Variants in RUNX1T1 observed in about 807,000 individuals in gnomAD.
RUNX1T1 encodes the protein protein CBFA2T1.
In RUNX1T1, 4 loss-of-function variants were observed where a neutral mutation model predicts 62.8. The ratio of observed to expected loss-of-function variants is 0.06; its 90% CI spans 0.03 to 0.15. The LOEUF is 0.15. RUNX1T1 is among the 10% of genes least tolerant of loss of function. RUNX1T1 has a pLI of 1.00. For missense variants in RUNX1T1, 508 were observed against 754.3 expected (o/e 0.67, Z 3.82); for synonymous variants, 291 against 286.0 (o/e 1.02, Z -0.18).
intron 1 of RUNX1T1, among the ~76,000 whole-genome samples, chr8:92,089,603 G>A (rs933255842): frequency 2.6e-5 from 4 of 151,966 alleles, no homozygotes; most frequent in African/African-American, 9.7e-5. Flanking sequence ...ACCCCTAGGC[G>A]CTGAGTTCAT....
intron 2 of RUNX1T1, among the ~76,000 whole-genome samples, chr8:92,070,991 T>C (rs1461413814): frequency 6.6e-6 from 1 of 152,254 alleles, no homozygotes; most frequent in Admixed American, 6.5e-5. Context: ...TTCCTCTTGG[T>C]AAGATAAAAT....
rs34547904 is a variant in RUNX1T1 at position 92,024,497 on chromosome 8, C to CAAAAAAA, written c.8-7141_8-7135dup. ...GGGGTAACAGAGTGAAACCCCAACT[C>CAAAAAAA]AAAAAAAAAAAAAAAAAAAAAAAAA... On this transcript the variant is annotated intron_variant, in intron 1 of 10. Transcript: ENST00000396218. Among the ~76,000 whole-genome samples the CAAAAAAA allele has an allele frequency of 2.9e-3, 51 of 17,546 alleles. 9 individuals carry two copies. Among genetic ancestry groups the CAAAAAAA allele is most frequent in the African/African-American group, 6.4e-3 (36 of 5,614 alleles). 11.5% of individuals were successfully genotyped at this position (17,546 alleles called of 152,430 possible).
At chr8:92,090,470 A>G (rs916806503) in intron 1 of RUNX1T1, among the ~76,000 whole-genome samples, 7 of 152,148 alleles carry the variant, frequency 4.6e-5, no homozygotes, top group African/African-American at 1.7e-4. Flanking sequence ...TTAAATCCTC[A>G]TGGCCTCAGT....
intron 1 of RUNX1T1, among the ~76,000 whole-genome samples, chr8:92,025,239 A>C (rs1290497512): frequency 6.6e-6 from 1 of 152,188 alleles, no homozygotes; most frequent in East Asian, 1.9e-4. Flanking sequence ...GTGTGACCAG[A>C]GATCCTGCCT....
rs1823168702 is a variant in RUNX1T1, at chr8:92,017,106, G to A, written c.145+120C>T. The A allele has an allele frequency of 8.5e-6, 6 of 705,620 alleles. No homozygotes were observed. The East Asian group carries it at 1.6e-4, about 19-fold the overall frequency. The allele number at this position is 705,620 out of a possible 1,614,324, so 43.7% of individuals were successfully genotyped here. Reference sequence around the variant, plus strand: ...TACTGGCAAACAAATGATTTTTTTTGGTTCATTTCTGCATAATACATTGAT... The same window carrying A: ...TACTGGCAAACAAATGATTTTTTTTAGTTCATTTCTGCATAATACATTGAT... On this transcript the variant is annotated intron_variant, in intron 2 of 10. Transcript: ENST00000396218.
At chr8:92,005,031 G>A (rs745985022) in intron 5 of RUNX1T1, 85 bp downstream of exon 6, 144 of 1,165,670 alleles carry the variant, frequency 1.2e-4, no homozygotes, top group Non-Finnish European at 1.6e-4. Flanking sequence ...ATAGGCCAGC[G>A]GTTTAATTGT....
At chr8:92,076,750 T>A (rs1834486900) in intron 1 of RUNX1T1, among the ~76,000 whole-genome samples, 1 of 152,066 alleles carries the variant, frequency 6.6e-6, no homozygotes, top group Non-Finnish European at 1.5e-5. Context: ...CTTCTACACC[T>A]TTTCTTCCTT....
intron 4 of RUNX1T1, among the ~76,000 whole-genome samples, chr8:92,009,486 T>C (rs936702278): frequency 6.6e-6 from 1 of 152,126 alleles, no homozygotes; most frequent in Non-Finnish European, 1.5e-5. Context: ...ATGGTAACCA[T>C]ATGGTGTGCA....
chr8:91,980,758 A>G (rs1323435098), intron 8 of RUNX1T1, among the ~76,000 whole-genome samples: 3 of 151,966 alleles, frequency 2.0e-5, no homozygotes, highest in Admixed American at 1.3e-4. Context: ...TGTCACTTTG[A>G]CCTCCTGGGC....
At chr8:92,060,551 A>ATGTG (rs1239294685) in intron 1 of RUNX1T1, among the ~76,000 whole-genome samples, 144 of 95,306 alleles carry the variant, frequency 1.5e-3, no homozygotes, top group African/African-American at 4.8e-3. Flanking sequence ...ATATATATAT[A>ATGTG]TATGTGTGTG....
intron 6 of RUNX1T1, among the ~76,000 whole-genome samples, chr8:91,990,553 A>G (rs4568651): frequency 0.026 from 3,971 of 152,220 alleles, 164 homozygotes; most frequent in African/African-American, 0.09. Flanking sequence ...CACTGATCAT[A>G]TGTTTAAAAA....
chr8:92,059,867 C>T (rs564586024), intron 1 of RUNX1T1, among the ~76,000 whole-genome samples: 195 of 152,214 alleles, frequency 1.3e-3, no homozygotes, highest in East Asian at 7.1e-3. Context: ...CCAGGCACAT[C>T]TGGAGAGCAG....
chr8:92,038,560 C>T (rs1044151767), intron 1 of RUNX1T1, among the ~76,000 whole-genome samples: 2 of 152,000 alleles, frequency 1.3e-5, no homozygotes, highest in African/African-American at 2.4e-5. Flanking sequence ...CGAAGGCTTT[C>T]GAGATTAAAT....
intron 1 of RUNX1T1, chr8:92,062,404 A>G (rs879767235): frequency 9.9e-6 from 9 of 905,460 alleles, no homozygotes; most frequent in Admixed American, 5.2e-5. Flanking sequence ...CTACCTTCCA[A>G]TCACACCTCT....
At chr8:91,988,124 G>A (rs1220063255) in intron 6 of RUNX1T1, among the ~76,000 whole-genome samples, 1 of 151,922 alleles carries the variant, frequency 6.6e-6, no homozygotes, top group Non-Finnish European at 1.5e-5. Flanking sequence ...AGATTTAAGT[G>A]GTTATAAATC....
exon 6 of RUNX1T1, chr8:91,991,751 G>T (rs1480183950): frequency 6.2e-7 from 1 of 1,613,964 alleles, no homozygotes; most frequent in African/African-American, 1.3e-5. Flanking sequence ...GTGGAGGTGG[G>T]GTAGGGTGAG....
intron 1 of RUNX1T1, among the ~76,000 whole-genome samples, chr8:92,031,172 G>A (rs768297008): frequency 5.3e-5 from 8 of 152,020 alleles, no homozygotes; most frequent in Non-Finnish European, 1.2e-4. Flanking sequence ...TAACCTTTGC[G>A]ATCCAGGATG....
intron 1 of RUNX1T1, among the ~76,000 whole-genome samples, chr8:92,096,756 AG>A (rs907653804): frequency 1.3e-5 from 2 of 152,128 alleles, no homozygotes; most frequent in Non-Finnish European, 2.9e-5. Context: ...AGTTTTATGC[AG>A]GGGGTCTCCC....
chr8:92,026,918 C>T (rs1254725338), intron 1 of RUNX1T1, among the ~76,000 whole-genome samples: 1 of 151,058 alleles, frequency 6.6e-6, no homozygotes, highest in African/African-American at 2.4e-5. Flanking sequence ...GAGATCGAGA[C>T]CATCCTGGCT....
Sources: gnomAD v4.1 joint callset for allele counts (sites outside exome capture counted in the v4.1 genomes callset) on GRCh38, gnomAD v4.1.1 for gene constraint, MANE v1.5 for transcripts, NCBI Gene and HGNC (gene_info 2026-07-23, HGNC 2026-07-21) for gene names.